The following MAP3K20 variants were observed in gnomAD, a reference collection of about 807,000 sequenced individuals.
The protein encoded by MAP3K20 is mitogen-activated protein kinase kinase kinase 20.
In MAP3K20, 40 loss-of-function variants were observed where a neutral mutation model predicts 85.7. That is an observed-to-expected ratio of 0.47 (90% CI 0.36 to 0.61). The LOEUF (loss-of-function observed/expected upper bound fraction) is 0.61, where lower values mean the gene tolerates loss of function less well. Ranked by LOEUF, MAP3K20 falls within the 20% of genes least tolerant of loss-of-function variation. The pLI, the probability that MAP3K20 is intolerant of heterozygous loss-of-function variation, is 0.00. For missense variants in MAP3K20, 817 were observed against 961.7 expected, an observed-to-expected ratio of 0.85 and a Z score of 1.99; for synonymous variants, 325 against 327.7, an observed-to-expected ratio of 0.99 and a Z score of 0.09.
At chr2:173,190,441 ATATT>A in intron 5 of MAP3K20, among the ~76,000 whole-genome samples, 1 of 152,182 alleles carries the variant, frequency 6.6e-6, no homozygotes, top group Non-Finnish European at 1.5e-5. Context: ...GCCTCAGCAA[ATATT>A]TATTAAATGA....
In MAP3K20 at chr2:173,125,726, G is replaced by C. The variant is rs796877523; in HGVS notation, c.159+34536G>C. Among the ~76,000 whole-genome samples the C allele has an allele frequency of 5.3e-5, 8 of 151,788 alleles. No homozygotes were observed. In the East Asian group the frequency reaches 9.7e-4, roughly 18 times the overall value. On this transcript the variant is annotated intron_variant, in intron 2 of 19. Transcript: ENST00000375213. ...CGCCCAGGCTGGAGTGCAGTGGCGC[G>C]ATCTCAGCTCACTGCAAGCTCCGCC...
chr2:173,166,669 A>G (rs2106246292), intron 2 of MAP3K20: 1 of 152,362 alleles, frequency 6.6e-6, no homozygotes, highest in South Asian at 2.1e-4. Context: ...CTGAAAATAA[A>G]TGGCTTATGT....
At chr2:173,123,766 C>T (rs1688363590) in intron 2 of MAP3K20, among the ~76,000 whole-genome samples, 1 of 145,962 alleles carries the variant, frequency 6.9e-6, no homozygotes, top group African/African-American at 2.4e-5. Flanking sequence ...AATTCAGCAA[C>T]ACACCCAGTA....
chr2:173,152,189 A>C (rs1301722512), intron 2 of MAP3K20, among the ~76,000 whole-genome samples: 2 of 152,200 alleles, frequency 1.3e-5, no homozygotes, highest in Non-Finnish European at 2.9e-5. Flanking sequence ...TTGTTAATAA[A>C]TGTCTCAGGC....
At chr2:173,139,787 C>T (rs1316871412) in intron 2 of MAP3K20, among the ~76,000 whole-genome samples, 5 of 152,090 alleles carry the variant, frequency 3.3e-5, no homozygotes, top group African/African-American at 9.7e-5. Flanking sequence ...TTATTTTACA[C>T]ACTCAGTATC....
chr2:173,090,240 C>T (rs901563734), intron 1 of MAP3K20, among the ~76,000 whole-genome samples: 19 of 152,186 alleles, frequency 1.2e-4, no homozygotes, highest in African/African-American at 4.3e-4. Flanking sequence ...AATAGTAAAA[C>T]TCCTTAGACT....
At chr2:173,262,824 C>G (rs977046387) in intron 18 of MAP3K20, among the ~76,000 whole-genome samples, 12 of 152,180 alleles carry the variant, frequency 7.9e-5, no homozygotes, top group Non-Finnish European at 1.8e-4. Flanking sequence ...AACTTGGAAA[C>G]TAGACTACTC....
At chr2:173,130,124 A>G (rs1474183640) in intron 2 of MAP3K20, among the ~76,000 whole-genome samples, 2 of 152,260 alleles carry the variant, frequency 1.3e-5, no homozygotes, top group Non-Finnish European at 2.9e-5. Flanking sequence ...GTTATGGTCA[A>G]ACAAGTGCAT....
Position 173,238,904 on chromosome 2 carries a change from G to A in MAP3K20, c.1266+469G>A, listed in dbSNP as rs183453936. On this transcript the variant is annotated intron_variant, in intron 15 of 19. Coordinates refer to ENST00000375213, the MANE Select transcript of MAP3K20 (RefSeq NM_016653.3). The stretch of plus-strand genomic sequence containing the variant: ...CTTTGTTTAAAATCAGCAAATACTT[G>A]CAATTCATACACAGAACTTTACTTA... 2.2e-3 allele frequency among the ~76,000 whole-genome samples: 331 copies of A among 152,280 alleles called. 1 individual carries two copies. Among genetic ancestry groups the A allele is most frequent in the Non-Finnish European group, 3.6e-3 (243 of 68,020 alleles).
rs374952587 is a variant in MAP3K20 at position 173,264,680 on chromosome 2, A to C, written c.1702+785A>C. On this transcript the variant is annotated intron_variant, in intron 19 of 19. Coordinates refer to ENST00000375213, the MANE Select transcript of MAP3K20 (RefSeq NM_016653.3). ...CACGTGGCTACATGGAGGGGGATGG[A>C]GACTGAGCAAAATCAGGGTTCTATT... is the stretch of plus-strand genomic sequence containing the variant. 5.3e-5 allele frequency among the ~76,000 whole-genome samples: 8 copies of C among 152,058 alleles called. No individual in the cohort carries two copies. In the South Asian group the frequency reaches 1.7e-3, roughly 31 times the overall value.
intron 10 of MAP3K20, among the ~76,000 whole-genome samples, chr2:173,215,258 C>T (rs776384952): frequency 1.3e-5 from 2 of 151,864 alleles, no homozygotes; most frequent in African/African-American, 4.8e-5. Context: ...CCTCTGCCAT[C>T]GCACACTGAG....
At chr2:173,203,990 T>A in intron 9 of MAP3K20, 120 bp downstream of exon 9, 1 of 885,438 alleles carries the variant, frequency 1.1e-6, no homozygotes, top group Non-Finnish European at 1.8e-6. Flanking sequence ...GATGCTCCTA[T>A]GAGCCCCAGA....
In MAP3K20 at chr2:173,146,223, G is replaced by A. The variant is rs889756344; in HGVS notation, c.160-23582G>A. Among the ~76,000 whole-genome samples, 9 of 151,442 alleles carry A rather than the reference G, an allele frequency of 5.9e-5. No individual in the cohort carries two copies. The East Asian group carries it at 7.7e-4, about 13-fold the overall frequency. On this transcript the variant is annotated intron_variant, in intron 2 of 19. Transcript: ENST00000375213. Reference sequence around the variant, plus strand: ...GTTAGAAGAAACAAAAAAGTTTCAGGTTTTTGTTGTTTTTTTTTTTAAGGC... The same window carrying A: ...GTTAGAAGAAACAAAAAAGTTTCAGATTTTTGTTGTTTTTTTTTTTAAGGC...
intron 9 of MAP3K20, among the ~76,000 whole-genome samples, chr2:173,208,838 G>A (rs1436890215): frequency 6.6e-6 from 1 of 152,208 alleles, no homozygotes; most frequent in Non-Finnish European, 1.5e-5. Context: ...GCATGATGAA[G>A]AGAGAATGTG....
chr2:173,178,880 T>C (rs976015072), intron 3 of MAP3K20, among the ~76,000 whole-genome samples: 1 of 152,236 alleles, frequency 6.6e-6, no homozygotes, highest in Non-Finnish European at 1.5e-5. Context: ...TGAATATAGA[T>C]GTAAAAATTC....
intron 2 of MAP3K20, among the ~76,000 whole-genome samples, chr2:173,125,510 G>GTT (rs34139392): frequency 0.28 from 42,538 of 149,410 alleles, 7,075 homozygotes; most frequent in Non-Finnish European, 0.38. Flanking sequence ...TGTTAGATGT[G>GTT]TTTTTTTTTT....
intron 10 of MAP3K20, among the ~76,000 whole-genome samples, chr2:173,216,512 T>TC (rs200797446): frequency 0.023 from 3,463 of 150,958 alleles, 166 homozygotes; most frequent in African/African-American, 0.08. Context: ...TCTGGTGTGT[T>TC]TTTTTTTTAA....
At chr2:173,238,657 A>G (rs1684710179) in intron 15 of MAP3K20, among the ~76,000 whole-genome samples, 1 of 152,216 alleles carries the variant, frequency 6.6e-6, no homozygotes, top group Admixed American at 6.5e-5. Context: ...TAAGAACAAC[A>G]CACCTTACTT....
At chr2:173,165,859 C>G (rs901236356) in intron 2 of MAP3K20, among the ~76,000 whole-genome samples, 3 of 152,056 alleles carry the variant, frequency 2.0e-5, no homozygotes, top group African/African-American at 7.2e-5. Context: ...TTAGTAGAGA[C>G]AAGGTCTCAC....
Sources: gnomAD v4.1 joint callset for allele counts (sites outside exome capture counted in the v4.1 genomes callset) on GRCh38, gnomAD v4.1.1 for gene constraint, MANE v1.5 for transcripts, NCBI Gene and HGNC (gene_info 2026-07-23, HGNC 2026-07-21) for gene names.